The following PCDHA5 variants were observed in gnomAD, a reference collection of about 807,000 sequenced individuals.
PCDHA5 encodes the protein protocadherin alpha 5.
In PCDHA5, 43 loss-of-function variants were observed where a neutral mutation model predicts 61.6. The ratio of observed to expected loss-of-function variants is 0.70; its 90% CI spans 0.55 to 0.90. The LOEUF (loss-of-function observed/expected upper bound fraction) is 0.90, where lower values mean the gene tolerates loss of function less well. PCDHA5 is among the 40% of genes least tolerant of loss of function. The probability of loss-of-function intolerance (pLI) is 0.00; values close to 1 mark genes in which losing one functional copy is unlikely to be tolerated. For synonymous variants in PCDHA5, 627 were observed against 543.9 expected (o/e 1.15, Z -2.13); for missense variants, 1,298 against 1,222.7 (o/e 1.06, Z -0.92).
At chr5:140,918,928 C>A (rs2078929450) in intron 1 of PCDHA5, among the ~76,000 whole-genome samples, 1 of 152,172 alleles carries the variant, frequency 6.6e-6, no homozygotes, top group South Asian at 2.1e-4. Context: ...CAGCATATGG[C>A]ATTTTGTTAT....
intron 1 of PCDHA5, among the ~76,000 whole-genome samples, chr5:140,918,162 A>G (rs1344100803): frequency 1.3e-5 from 2 of 152,122 alleles, no homozygotes; most frequent in Non-Finnish European, 2.9e-5. Context: ...TCTATTGTAA[A>G]TGGCATTGTG....
In PCDHA5 at chr5:140,848,329, A is replaced by T. The variant is rs2150408889; in HGVS notation, c.2352+24202A>T. 1.7e-5 allele frequency: 14 copies of T among 818,896 alleles called. 1 individual carries two copies. The highest frequency in any genetic ancestry group is 2.5e-5 in the Non-Finnish European group (13 of 512,110). The allele number at this position is 818,896 out of a possible 1,614,324, so 50.7% of individuals were successfully genotyped here. A position where few individuals can be genotyped will look rare whatever the true frequency, so the allele number is the denominator to read the frequency against. On this transcript the variant is annotated intron_variant, in intron 1 of 3. Transcript: ENST00000529859. The stretch of plus-strand genomic sequence containing the variant: ...ACTCTTTGCCGCGATGTTCTCTCTG[A>T]ATCCAGACAAATACAGCCCTTTTCC...
chr5:141,000,393 CTCTATATA>C (rs1486021873), intron 3 of PCDHA5, among the ~76,000 whole-genome samples: 100 of 52,828 alleles, frequency 1.9e-3, no homozygotes, highest in Middle Eastern at 0.012. Context: ...CTCTCTCTCT[CTCTATATA>C]TATATATATA....
At chr5:140,887,473 G>T (rs574265811) in intron 1 of PCDHA5, among the ~76,000 whole-genome samples, 10 of 152,222 alleles carry the variant, frequency 6.6e-5, no homozygotes, top group African/African-American at 2.4e-4. Flanking sequence ...TAATTCAGTT[G>T]TCTTCTGGCT....
chr5:140,855,292 C>A lies in PCDHA5; in HGVS notation c.2352+31165C>A, dbSNP rs950015519. Reference sequence around the variant, plus strand: ...ACTCAACCACCGTATTACTATTAGGCCAAAGTTATAAAATTGGAACATGAG... The same window carrying A: ...ACTCAACCACCGTATTACTATTAGGACAAAGTTATAAAATTGGAACATGAG... On this transcript the variant is annotated intron_variant, in intron 1 of 3. Transcript: ENST00000529859. Among the ~76,000 whole-genome samples, 36 of 149,604 alleles carry A rather than the reference C, an allele frequency of 2.4e-4. 2 individuals carry two copies. Among genetic ancestry groups the A allele is most frequent in the African/African-American group, 8.6e-4 (35 of 40,780 alleles).
At position 140,822,973 on chromosome 5, in the gene PCDHA5, T is replaced by C. The variant is rs2150120901; in HGVS notation, c.1198T>C (p.Phe400Leu). 64 of 1,614,248 alleles carry C rather than the reference T, an allele frequency of 4.0e-5. 1 individual carries two copies. The South Asian group carries it at 6.6e-4, about 17-fold the overall frequency. The change falls in exon 1 of 4, where the codon TTC becomes CTC. Residue 400 changes from phenylalanine to leucine, a missense_variant. By Grantham distance (22) the Phe-to-Leu change is conservative. Coordinates refer to ENST00000529859, the MANE Select transcript of PCDHA5 (RefSeq NM_018908.3). ...PHVPFKLVST[F>L]KNYYSLVLDS... ...CGTTCCCTTCAAGCTGGTGTCCACC[T>C]TCAAGAATTACTACTCGTTGGTGCT...
intron 1 of PCDHA5, among the ~76,000 whole-genome samples, chr5:140,933,901 C>T (rs1218971055): frequency 4.0e-5 from 6 of 151,882 alleles, no homozygotes; most frequent in African/African-American, 1.2e-4. Context: ...AATATTTTGG[C>T]ATAAAGTTGT....
chr5:140,895,867 A>C (rs1212053221), intron 1 of PCDHA5, among the ~76,000 whole-genome samples: 1 of 152,154 alleles, frequency 6.6e-6, no homozygotes, highest in Non-Finnish European at 1.5e-5. Context: ...GCTGGAGTGC[A>C]ATGGCGCGAT....
At chr5:140,941,603 T>C (rs116946105) in intron 1 of PCDHA5, among the ~76,000 whole-genome samples, 1 of 152,024 alleles carries the variant, frequency 6.6e-6, no homozygotes, top group East Asian at 1.9e-4. Flanking sequence ...CCATGAGCCA[T>C]GGTGCCCAGC....
chr5:141,008,147 G>A (rs782783615), intron 3 of PCDHA5, among the ~76,000 whole-genome samples: 9 of 152,114 alleles, frequency 5.9e-5, no homozygotes, highest in Non-Finnish European at 1.3e-4. Context: ...CTGCTGAGAG[G>A]TTTGATAAGA....
Position 140,823,575 on chromosome 5 carries a change from G to C in PCDHA5, c.1800G>C (p.Ser600=). ...AGGTGCGCGCAGTGGACCCTGATTCGGGCTACAACGCTTGGCTTTCGTATG... is the reference window on the plus strand; with the variant it reads ...AGGTGCGCGCAGTGGACCCTGATTCCGGCTACAACGCTTGGCTTTCGTATG... ...VAKVRAVDPD[S]GYNAWLSYEL... is the part of the protein sequence containing the mutation. The change falls in exon 1 of 4, where the codon TCG becomes TCC. Residue 600 remains serine, a synonymous_variant. Transcript: ENST00000529859. The C allele has an allele frequency of 6.2e-7, 1 of 1,613,976 alleles. No individual in the cohort carries two copies. The highest frequency in any genetic ancestry group is 8.5e-7 in the Non-Finnish European group (1 of 1,179,928).
chr5:140,928,050 G>A (rs782229340), intron 1 of PCDHA5: 3 of 1,614,180 alleles, frequency 1.9e-6, no homozygotes, highest in Non-Finnish European at 2.5e-6. Flanking sequence ...GCCCTTTTCA[G>A]CTGACGGCTT....
intron 1 of PCDHA5, chr5:140,875,916 G>GC: frequency 6.2e-7 from 1 of 1,614,086 alleles, no homozygotes. Context: ...CTGCGCCTCT[G>GC]GACTCTCATT....
chr5:140,835,477 C>T (rs2150236453), intron 1 of PCDHA5: 2 of 1,613,948 alleles, frequency 1.2e-6, no homozygotes, highest in Non-Finnish European at 1.7e-6. Flanking sequence ...GACGCCCAAC[C>T]AGGTACCGTC....
At chr5:141,001,975 G>C (rs900969211) in intron 3 of PCDHA5, among the ~76,000 whole-genome samples, 8 of 152,184 alleles carry the variant, frequency 5.3e-5, no homozygotes, top group African/African-American at 1.9e-4. Flanking sequence ...GTCTCTGCGC[G>C]GAAAGCCTGG....
At chr5:140,837,117 T>C (rs1774919883) in intron 1 of PCDHA5, 1 of 157,306 alleles carries the variant, frequency 6.4e-6, no homozygotes, top group African/African-American at 2.4e-5. Flanking sequence ...ATATGTTACC[T>C]AATATTTTAT....
In PCDHA5 at chr5:140,863,566, A is replaced by G. The variant is rs1390955253; in HGVS notation, c.2352+39439A>G. The G allele has an allele frequency of 2.9e-5, 11 of 373,988 alleles. No individual in the cohort carries two copies. In the East Asian group the frequency reaches 4.0e-4, roughly 13 times the overall value. The allele number at this position is 373,988 out of a possible 1,614,324, so 23.2% of individuals were successfully genotyped here. A position where few individuals can be genotyped will look rare whatever the true frequency, so the allele number is the denominator to read the frequency against. On this transcript the variant is annotated intron_variant, in intron 1 of 3. Transcript: ENST00000529859. Reference sequence around the variant, plus strand: ...ACTTCAATAGGAAATTTTTGAGAATATAAGTACTGTAATCCTGGAAAGTAT... The same window carrying G: ...ACTTCAATAGGAAATTTTTGAGAATGTAAGTACTGTAATCCTGGAAAGTAT...
At chr5:140,831,653 A>G (rs1426760036) in intron 1 of PCDHA5, among the ~76,000 whole-genome samples, 1 of 151,162 alleles carries the variant, frequency 6.6e-6, no homozygotes, top group Non-Finnish European at 1.5e-5. Flanking sequence ...GTGAGCCACT[A>G]TGCTTGGCTA....
intron 1 of PCDHA5, among the ~76,000 whole-genome samples, chr5:140,935,315 A>G (rs552631416): frequency 5.9e-5 from 9 of 152,306 alleles, no homozygotes; most frequent in East Asian, 5.8e-4. Context: ...AACTTCATCA[A>G]TCTTACATTC....
Sources: allele counts gnomAD v4.1 joint callset (sites outside exome capture counted in the v4.1 genomes callset), GRCh38; gene constraint gnomAD v4.1.1; transcripts MANE v1.5; gene names NCBI Gene and HGNC (gene_info 2026-07-23, HGNC 2026-07-21).